Variants in NBDY observed in about 807,000 individuals in gnomAD.
NBDY encodes the protein negative regulator of P-body association.
chrX:56,757,669 G>A (rs1023411646), intron 2 of NBDY, among the ~76,000 whole-genome samples: 6 of 110,646 alleles, frequency 5.4e-5, no homozygotes, highest in African/African-American at 2.0e-4. Flanking sequence ...AAGGGAAAAA[G>A]AAGAGAAGAG....
intron 2 of NBDY, among the ~76,000 whole-genome samples, chrX:56,793,349 G>A (rs1035782931): frequency 5.4e-5 from 6 of 111,686 alleles, no homozygotes; most frequent in Non-Finnish European, 1.1e-4. Flanking sequence ...ACCTGGAGAG[G>A]ACCAAAGGAA....
At chrX:56,752,057 G>A (rs2069588301) in intron 2 of NBDY, among the ~76,000 whole-genome samples, 1 of 112,213 alleles carries the variant, frequency 8.9e-6, no homozygotes, top group Non-Finnish European at 1.9e-5. Flanking sequence ...TGGCTGCATA[G>A]TATTCCATGG....
At chrX:56,803,216 C>G (rs1320550074) in intron 2 of NBDY, among the ~76,000 whole-genome samples, 1 of 111,548 alleles carries the variant, frequency 9.0e-6, no homozygotes, top group Non-Finnish European at 1.9e-5. Context: ...CACCCGGGCT[C>G]CACAGCCCTC....
chrX:56,801,837 A>T (rs775544073), intron 2 of NBDY, among the ~76,000 whole-genome samples: 38 of 110,985 alleles, frequency 3.4e-4, no homozygotes, highest in Non-Finnish European at 6.0e-4. Context: ...GCACCCAGAG[A>T]CCACAGACAC....
chrX:56,789,004 T>C (rs1484326840), intron 2 of NBDY, among the ~76,000 whole-genome samples: 2 of 112,823 alleles, frequency 1.8e-5, no homozygotes, highest in Admixed American at 1.9e-4. Flanking sequence ...CCCTGCAGCC[T>C]GTTGTCATGT....
At chrX:56,757,792 T>TAGGA (rs776191792) in intron 2 of NBDY, among the ~76,000 whole-genome samples, 87 of 110,528 alleles carry the variant, frequency 7.9e-4, no homozygotes, top group Non-Finnish European at 1.5e-3. Context: ...GGGGAGCTTG[T>TAGGA]AGGAAGGAAG....
chrX:56,755,203 G>A (rs2146720243), intron 2 of NBDY, among the ~76,000 whole-genome samples: 1 of 112,003 alleles, frequency 8.9e-6, no homozygotes, highest in South Asian at 3.7e-4. Flanking sequence ...GAAAACTTAG[G>A]CAATACCATT....
intron 2 of NBDY, among the ~76,000 whole-genome samples, chrX:56,802,161 G>A (rs1026314164): frequency 2.7e-5 from 3 of 112,046 alleles, no homozygotes; most frequent in Non-Finnish European, 5.6e-5. Flanking sequence ...TATGGGTGAG[G>A]ATTCCTGGCT....
chrX:56,746,741 T>A (rs2069560036), intron 2 of NBDY, among the ~76,000 whole-genome samples: 1 of 111,232 alleles, frequency 9.0e-6, no homozygotes, highest in Admixed American at 9.6e-5. Flanking sequence ...AGCTAAGAGC[T>A]GTTCCTAGCT....
At chrX:56,781,569 G>C (rs910829929) in intron 2 of NBDY, among the ~76,000 whole-genome samples, 1 of 112,248 alleles carries the variant, frequency 8.9e-6, no homozygotes, top group Non-Finnish European at 1.9e-5. Context: ...AGTTTACTCT[G>C]TAACTCATTG....
intron 2 of NBDY, among the ~76,000 whole-genome samples, chrX:56,754,300 C>T (rs565504788): frequency 1.2e-4 from 13 of 111,496 alleles, no homozygotes; most frequent in East Asian, 8.5e-4. Context: ...ATCAATAAAG[C>T]GATAGTGAAC....
At chrX:56,730,513 CAAAAAAAAAA>C (rs1157131797) in intron 1 of NBDY, among the ~76,000 whole-genome samples, 1,839 of 11,164 alleles carry the variant, frequency 0.16, 126 homozygotes, top group African/African-American at 0.39. Context: ...AACTACGTCT[CAAAAAAAAAA>C]AAAAAAAAAA....
intron 2 of NBDY, among the ~76,000 whole-genome samples, chrX:56,755,306 A>G (rs1299342546): frequency 1.1e-4 from 12 of 112,471 alleles, no homozygotes; most frequent in African/African-American, 3.9e-4. Flanking sequence ...TAACTAAACT[A>G]AAGAGCTTCT....
chrX:56,793,295 T>C (rs1003463064), intron 2 of NBDY, among the ~76,000 whole-genome samples: 1 of 112,046 alleles, frequency 8.9e-6, no homozygotes, highest in African/African-American at 3.2e-5. Flanking sequence ...GCCATGATTA[T>C]GTGTCCTTTG....
rs189626803 is a variant in NBDY at position 56,754,531 on chromosome X, A to G, written c.*166+22332A>G. Among the ~76,000 whole-genome samples the G allele has an allele frequency of 5.2e-4, 59 of 112,555 alleles. No homozygotes were observed. In the East Asian group the frequency reaches 8.9e-3, roughly 17 times the overall value. ...TGAAAGTCATACAATATCTTCTACAATGACAATGGAAGGAATCTAAAAATC... is the reference window on the plus strand; with the variant it reads ...TGAAAGTCATACAATATCTTCTACAGTGACAATGGAAGGAATCTAAAAATC... On this transcript the variant is annotated intron_variant, in intron 2 of 2. Coordinates refer to ENST00000374922, the MANE Select transcript of NBDY (RefSeq NM_001348129.2).
rs373670029 is a variant in NBDY at position 56,818,985 on chromosome X, C to CAAAAAAA, written c.*1836_*1842dup. On this transcript the variant is annotated 3_prime_UTR_variant, in exon 3 of 3. Transcript: ENST00000374922. ...ACTGGGACAACTTGGTATCTACATG[C>CAAAAAAA]AAAAAAAAAACAAAAAAACAAAAAA... 1 of 34,748 alleles carries CAAAAAAA rather than the reference C, an allele frequency of 2.9e-5. No homozygotes were observed. The highest frequency in any genetic ancestry group is 6.7e-5 in the Non-Finnish European group (1 of 15,026). The allele number at this position is 34,748 out of a possible 1,213,427, so 2.9% of individuals were successfully genotyped here. A position where few individuals can be genotyped will look rare whatever the true frequency, so the allele number is the denominator to read the frequency against.
At chrX:56,746,072 G>T (rs1238895221) in intron 2 of NBDY, among the ~76,000 whole-genome samples, 2 of 111,783 alleles carry the variant, frequency 1.8e-5, no homozygotes, top group Non-Finnish European at 3.8e-5. Flanking sequence ...GAAATGCTCA[G>T]CATGAAGAGG....
intron 2 of NBDY, among the ~76,000 whole-genome samples, chrX:56,803,570 G>T (rs984590421): frequency 1.8e-5 from 2 of 111,190 alleles, no homozygotes; most frequent in Non-Finnish European, 3.8e-5. Context: ...TTCTCCGTGG[G>T]GTCCAAATGG....
intron 2 of NBDY, among the ~76,000 whole-genome samples, chrX:56,767,351 C>G (rs1407852226): frequency 8.8e-6 from 1 of 113,275 alleles, no homozygotes; most frequent in African/African-American, 3.2e-5. Context: ...AGCCCTCGCT[C>G]GCTCTCGGCG....
Sources: gnomAD v4.1 joint callset for allele counts (sites outside exome capture counted in the v4.1 genomes callset) on GRCh38, gnomAD v4.1.1 for gene constraint, MANE v1.5 for transcripts, NCBI Gene and HGNC (gene_info 2026-07-23, HGNC 2026-07-21) for gene names.